EIF2S2: variants seen among roughly 807,000 people sequenced by gnomAD.
The protein encoded by EIF2S2 is eukaryotic translation initiation factor 2 subunit beta, also known as eukaryotic translation initiation factor 2 subunit 2.
In EIF2S2, 4 loss-of-function variants were observed where a neutral mutation model predicts 44.0. The observed-to-expected ratio is 0.09, with a 90% CI of 0.04 to 0.21. EIF2S2 has a LOEUF of 0.21. EIF2S2 is among the 10% of genes least tolerant of loss of function. The pLI, the probability that EIF2S2 is intolerant of heterozygous loss-of-function variation, is 1.00. For synonymous variants in EIF2S2, 108 were observed against 128.3 expected, an observed-to-expected ratio of 0.84 and a Z score of 1.07; for missense variants, 154 against 392.0, an observed-to-expected ratio of 0.39 and a Z score of 5.13.
At chr20:34,110,096 C>CAAA (rs11167227) in intron 1 of EIF2S2, among the ~76,000 whole-genome samples, 14 of 86,184 alleles carry the variant, frequency 1.6e-4, no homozygotes, top group African/African-American at 6.0e-4. Context: ...AATTCCATCT[C>CAAA]AAAAAAAAAA....
At chr20:34,107,875 G>A (rs2034367296) in intron 1 of EIF2S2, among the ~76,000 whole-genome samples, 1 of 152,130 alleles carries the variant, frequency 6.6e-6, no homozygotes, top group Admixed American at 6.5e-5. Context: ...AATTAAATCT[G>A]AAATGCAGTC....
At chr20:34,099,614 G>A (rs1230471051) in intron 3 of EIF2S2, among the ~76,000 whole-genome samples, 1 of 152,066 alleles carries the variant, frequency 6.6e-6, no homozygotes, top group African/African-American at 2.4e-5. Flanking sequence ...CAGGTTTAAG[G>A]GCTCAGTTCC....
In EIF2S2 at chr20:34,112,176, C is replaced by A; in HGVS notation, c.-66G>T. 6.8e-7 allele frequency: 1 copy of A among 1,478,808 alleles called. No homozygotes were observed. Among genetic ancestry groups the A allele is most frequent in the Non-Finnish European group, 9.1e-7 (1 of 1,102,980 alleles). 91.6% of individuals were successfully genotyped at this position (1,478,808 alleles called of 1,614,324 possible). A position where few individuals can be genotyped will look rare whatever the true frequency, so the allele number is the denominator to read the frequency against. On this transcript the variant is annotated 5_prime_UTR_variant, in exon 1 of 9. Coordinates refer to ENST00000374980, the MANE Select transcript of EIF2S2 (RefSeq NM_003908.5). ...ACGGGTCAGCCCCAGGCCCCGGCGG[C>A]AGCGCTGCCCCTGCCGATACCTCTC...
chr20:34,093,639 C>T, intron 7 of EIF2S2, 36 bp downstream of exon 7: 1 of 1,539,762 alleles, frequency 6.5e-7, no homozygotes, highest in Non-Finnish European at 8.9e-7. Context: ...ATGAAATGTC[C>T]AGCAGTACTG....
intron 3 of EIF2S2, among the ~76,000 whole-genome samples, chr20:34,099,395 A>C (rs1421299420): frequency 6.6e-6 from 1 of 152,184 alleles, no homozygotes; most frequent in Non-Finnish European, 1.5e-5. Context: ...GAGAAAATTT[A>C]AAAGTTTAAA....
chr20:34,100,467 T>A (rs2034282673), intron 3 of EIF2S2, among the ~76,000 whole-genome samples: 1 of 152,152 alleles, frequency 6.6e-6, no homozygotes, highest in South Asian at 2.1e-4. Flanking sequence ...TATCTAGAGA[T>A]CCCCAGATAA....
At chr20:34,111,639 CCGA>C (rs1265030184) in intron 1 of EIF2S2, among the ~76,000 whole-genome samples, 8 of 152,184 alleles carry the variant, frequency 5.3e-5, no homozygotes, top group Non-Finnish European at 1.2e-4. Context: ...GATACCGGCC[CCGA>C]CAAGATAGCC....
At chr20:34,098,409 A>T (rs2034256843) in intron 4 of EIF2S2, 89 bp downstream of exon 4, 4 of 1,491,136 alleles carry the variant, frequency 2.7e-6, no homozygotes, top group Non-Finnish European at 3.6e-6. Flanking sequence ...CAAGAAAAAA[A>T]TTTTAAAAGC....
At chr20:34,105,597 G>T in intron 1 of EIF2S2, 52 bp from the exon 2 acceptor site, 1 of 1,446,784 alleles carries the variant, frequency 6.9e-7, no homozygotes, top group Non-Finnish European at 9.2e-7. Flanking sequence ...TTTTAATGAT[G>T]CTCACATTCC....
rs1304388920 is a variant in EIF2S2 at position 34,103,591 on chromosome 20, A to C, written c.194-26T>G. On this transcript the variant is annotated intron_variant, in intron 2 of 8. Coordinates refer to ENST00000374980, the MANE Select transcript of EIF2S2 (RefSeq NM_003908.5). ...CTAAAAAGACCAAGGCATAATTATTAACAACTAAAAGGCAAAGCATCAAAT... is the reference window on the plus strand; with the variant it reads ...CTAAAAAGACCAAGGCATAATTATTCACAACTAAAAGGCAAAGCATCAAAT... 9 of 1,523,476 alleles carry C rather than the reference A, an allele frequency of 5.9e-6. No homozygotes were observed. The Middle Eastern group carries it at 5.2e-4, about 88-fold the overall frequency. The allele number at this position is 1,523,476 out of a possible 1,614,324, so 94.4% of individuals were successfully genotyped here. A position where few individuals can be genotyped will look rare whatever the true frequency, so the allele number is the denominator to read the frequency against.
chr20:34,091,227 C>T (rs1373857878), intron 7 of EIF2S2, among the ~76,000 whole-genome samples: 4 of 152,110 alleles, frequency 2.6e-5, no homozygotes, highest in Admixed American at 2.6e-4. Context: ...TCTTTTACTG[C>T]ATCATACCAT....
At chr20:34,098,685 ATTTAT>A (rs779501918) in intron 3 of EIF2S2, 52 bp from the exon 4 acceptor site, 8 of 1,567,834 alleles carry the variant, frequency 5.1e-6, no homozygotes, top group African/African-American at 1.4e-5. Context: ...ATTCTTTTTT[ATTTAT>A]TTTATTACAT....
chr20:34,091,487 G>A (rs1383552979), intron 7 of EIF2S2, among the ~76,000 whole-genome samples: 3 of 151,974 alleles, frequency 2.0e-5, no homozygotes, highest in African/African-American at 7.2e-5. Flanking sequence ...AGGCTGAGGC[G>A]AGTTGATCAC....
intron 4 of EIF2S2, among the ~76,000 whole-genome samples, 174 bp downstream of exon 4, chr20:34,098,323 CA>C (rs2034255793): frequency 6.6e-6 from 1 of 151,780 alleles, no homozygotes; most frequent in African/African-American, 2.4e-5. Context: ...TCACAGTTAA[CA>C]AATTCTTTAA....
intron 6 of EIF2S2, among the ~76,000 whole-genome samples, chr20:34,094,664 T>C (rs940321155): frequency 2.0e-5 from 3 of 149,952 alleles, no homozygotes; most frequent in African/African-American, 7.4e-5. Flanking sequence ...GTTAAATAAA[T>C]CCATTCAAGG....
At chr20:34,099,132 C>T (rs999504739) in intron 3 of EIF2S2, among the ~76,000 whole-genome samples, 4 of 152,074 alleles carry the variant, frequency 2.6e-5, no homozygotes, top group African/African-American at 9.7e-5. Context: ...CACTTTGGGA[C>T]GTCGAGGCAG....
chr20:34,091,552 C>G (rs570711373), intron 7 of EIF2S2, among the ~76,000 whole-genome samples: 1 of 151,918 alleles, frequency 6.6e-6, no homozygotes, highest in East Asian at 1.9e-4. Context: ...CCCGTCTCTA[C>G]TACAAATACA....
At chr20:34,098,191 A>G (rs1210756035) in intron 4 of EIF2S2, among the ~76,000 whole-genome samples, 2 of 151,704 alleles carry the variant, frequency 1.3e-5, no homozygotes, top group Non-Finnish European at 2.9e-5. Flanking sequence ...GATTGTGGTG[A>G]GCCAAGATCG....
chr20:34,097,591 T>A, intron 4 of EIF2S2, 75 bp from the exon 5 acceptor site: 1 of 1,203,504 alleles, frequency 8.3e-7, no homozygotes. Flanking sequence ...TCTAGAGAAA[T>A]GAAGAGTTTC....
Sources: allele counts gnomAD v4.1 joint callset (sites outside exome capture counted in the v4.1 genomes callset), GRCh38; gene constraint gnomAD v4.1.1; transcripts MANE v1.5; gene names NCBI Gene and HGNC (gene_info 2026-07-23, HGNC 2026-07-21).